EFHD1: variants seen among roughly 807,000 people sequenced by gnomAD.
EFHD1 encodes EF-hand domain-containing protein D1.
EFHD1 carries 10 observed loss-of-function variants against 17.2 expected under a neutral mutation model. That is an observed-to-expected ratio of 0.58 (90% CI 0.36 to 0.99). The LOEUF is 0.99. Among genes scored for constraint, EFHD1 ranks in the 50% least tolerant of loss-of-function variants. EFHD1 has a pLI of 0.01. For missense variants in EFHD1, 310 were observed against 327.5 expected (o/e 0.95, Z 0.41); for synonymous variants, 153 against 142.0 (o/e 1.08, Z -0.55).
chr2:232,620,682 T>G (rs1170286057), intron 1 of EFHD1, among the ~76,000 whole-genome samples: 1 of 152,088 alleles, frequency 6.6e-6, no homozygotes, highest in Non-Finnish European at 1.5e-5. Context: ...CTTCTCTAAG[T>G]GTACATAATT....
intron 1 of EFHD1, among the ~76,000 whole-genome samples, chr2:232,655,060 T>C (rs1694735847): frequency 6.6e-6 from 1 of 152,206 alleles, no homozygotes; most frequent in Non-Finnish European, 1.5e-5. Context: ...TGGCGTGTCA[T>C]ATGCACCACA....
At chr2:232,632,528 G>A (rs1694222279), upstream of EFHD1, among the ~76,000 whole-genome samples, 3 of 152,170 alleles carry the variant, frequency 2.0e-5, no homozygotes, top group Non-Finnish European at 2.9e-5. Flanking sequence ...GGAGAATGAC[G>A]ACTGTATTTG....
chr2:232,670,971 C>A (rs1695057332), intron 2 of EFHD1, among the ~76,000 whole-genome samples: 1 of 152,090 alleles, frequency 6.6e-6, no homozygotes, highest in Admixed American at 6.6e-5. Context: ...ATAGTATATA[C>A]AGGTTTATTT....
At chr2:232,658,480 CAACT>C (rs1694802245) in intron 1 of EFHD1, among the ~76,000 whole-genome samples, 1 of 152,120 alleles carries the variant, frequency 6.6e-6, no homozygotes, top group South Asian at 2.1e-4. Context: ...TAACGTTTCA[CAACT>C]AAATAAGCAT....
intron 1 of EFHD1, among the ~76,000 whole-genome samples, chr2:232,619,180 TAAATAAATAAAC>T (rs531241170): frequency 1.6e-3 from 219 of 137,390 alleles, no homozygotes; most frequent in Admixed American, 5.2e-3. Context: ...AATAAATAAA[TAAATAAATAAAC>T]AAACAAACAA....
intron 2 of EFHD1, among the ~76,000 whole-genome samples, chr2:232,665,738 A>G (rs1168974515): frequency 1.3e-5 from 2 of 152,190 alleles, no homozygotes; most frequent in African/African-American, 2.4e-5. Flanking sequence ...AATAATTTTG[A>G]TGATAATATC....
chr2:232,630,218 G>A (rs570164422), upstream of EFHD1, among the ~76,000 whole-genome samples: 19 of 152,302 alleles, frequency 1.2e-4, no homozygotes, highest in Non-Finnish European at 2.5e-4. Flanking sequence ...CCAAAGTGCT[G>A]GGATTATAGG....
chr2:232,629,030 G>C (rs1264202819), upstream of EFHD1, among the ~76,000 whole-genome samples: 1 of 152,198 alleles, frequency 6.6e-6, no homozygotes, highest in Non-Finnish European at 1.5e-5. Flanking sequence ...GCTGGAGCCG[G>C]CACGGATCCT....
intron 1 of EFHD1, among the ~76,000 whole-genome samples, chr2:232,623,986 C>T (rs1694066850): frequency 6.6e-6 from 1 of 152,134 alleles, no homozygotes; most frequent in Non-Finnish European, 1.5e-5. Flanking sequence ...GAGGATGGAG[C>T]TTCCTAGGGC....
chr2:232,627,121 CT>C (rs1298561358), intron 1 of EFHD1, among the ~76,000 whole-genome samples: 1 of 141,298 alleles, frequency 7.1e-6, no homozygotes, highest in Non-Finnish European at 1.5e-5. Context: ...GTCCCAGCTA[CT>C]AGGGAGGCTG....
chr2:232,616,579 G>A (rs749794889), intron 1 of EFHD1, among the ~76,000 whole-genome samples: 3 of 152,140 alleles, frequency 2.0e-5, no homozygotes, highest in African/African-American at 2.4e-5. Flanking sequence ...GATTACAGGC[G>A]TGAGCCACCA....
In EFHD1 at chr2:232,664,864, C is replaced by T. The variant is rs955762706; in HGVS notation, c.450+1915C>T. Among the ~76,000 whole-genome samples the T allele has an allele frequency of 7.9e-5, 12 of 151,124 alleles. No homozygotes were observed. The South Asian group carries it at 1.3e-3, about 16-fold the overall frequency. ...TCCTGACCTCGTGATCCGCCTGCCT[C>T]GGCCTCCCAAAGTGCTGGGATTACA... On this transcript the variant is annotated intron_variant, in intron 2 of 3. Transcript: ENST00000264059.
chr2:232,675,694 A>T (rs551454980), intron 3 of EFHD1, among the ~76,000 whole-genome samples: 1 of 152,296 alleles, frequency 6.6e-6, no homozygotes, highest in East Asian at 1.9e-4. Context: ...GTTTAGACTC[A>T]GGGAAGTTTT....
intron 1 of EFHD1, among the ~76,000 whole-genome samples, chr2:232,627,155 C>G (rs1694122549): frequency 6.8e-6 from 1 of 147,792 alleles, no homozygotes; most frequent in Non-Finnish European, 1.5e-5. Flanking sequence ...CACTTAACCC[C>G]AGGAGTTTGA....
At chr2:232,629,518 G>C (rs960207289), upstream of EFHD1, among the ~76,000 whole-genome samples, 4 of 151,932 alleles carry the variant, frequency 2.6e-5, no homozygotes, top group Non-Finnish European at 5.9e-5. Context: ...TCCCAGGCTG[G>C]AGTGCAGTGG....
At chr2:232,673,861 C>T in intron 3 of EFHD1, among the ~76,000 whole-genome samples, 1 of 150,176 alleles carries the variant, frequency 6.7e-6, no homozygotes, top group East Asian at 2.0e-4. Context: ...TAACTATGCA[C>T]ATTTTATATT....
chr2:232,655,000 G>T (rs1055226892), intron 1 of EFHD1, among the ~76,000 whole-genome samples: 1 of 152,006 alleles, frequency 6.6e-6, no homozygotes, highest in African/African-American at 2.4e-5. Context: ...TCCCTTACTC[G>T]CTTCACTCTC....
Position 232,644,927 on chromosome 2 carries a change from C to A in EFHD1, c.302+10921C>A, listed in dbSNP as rs190931535. 7.4e-4 allele frequency among the ~76,000 whole-genome samples: 112 copies of A among 150,454 alleles called. No individual in the cohort carries two copies. The Middle Eastern group carries it at 0.01, about 14-fold the overall frequency. The stretch of plus-strand genomic sequence containing the variant: ...AAAGTGCTGGGATTACAGGCGTGAG[C>A]CACCATGCCTGGCAATTTTTTTTTT... On this transcript the variant is annotated intron_variant, in intron 1 of 3. Transcript: ENST00000264059.
intron 3 of EFHD1, among the ~76,000 whole-genome samples, chr2:232,674,165 C>T (rs1348002423): frequency 6.6e-6 from 1 of 152,194 alleles, no homozygotes; most frequent in Non-Finnish European, 1.5e-5. Flanking sequence ...CCTCCACCTC[C>T]CAAAATGCTG....
Sources: allele counts gnomAD v4.1 joint callset (sites outside exome capture counted in the v4.1 genomes callset), GRCh38; gene constraint gnomAD v4.1.1; transcripts MANE v1.5; gene names NCBI Gene and HGNC (gene_info 2026-07-23, HGNC 2026-07-21).